KANK1: variants seen among roughly 807,000 people sequenced by gnomAD.
KANK1 encodes KN motif and ankyrin repeat domain-containing protein 1.
Under a neutral mutation model 106.2 loss-of-function variants are expected in KANK1, and 109 were observed. That is an observed-to-expected ratio of 1.03 (90% CI 0.88 to 1.20). KANK1 has a LOEUF of 1.20. Among genes scored for constraint, KANK1 ranks in the 50% most tolerant of loss-of-function variants. KANK1 has a pLI of 0.00. For missense variants in KANK1, 2,399 were observed against 1,710.7 expected (o/e 1.40, Z -7.10); for synonymous variants, 873 against 652.2 (o/e 1.34, Z -5.16).
rs1239918091 is a variant in KANK1 at position 744,584 on chromosome 9, T to C, written c.3991T>C (p.Ser1331Pro). 26 of 1,614,006 alleles carry C rather than the reference T, an allele frequency of 1.6e-5. No homozygotes were observed. Among genetic ancestry groups the C allele is most frequent in the Non-Finnish European group, 2.1e-5 (25 of 1,180,018 alleles). Residue 1331 changes from serine to proline, a missense_variant, in exon 11 of 12, where the codon TCT (serine) becomes CCT (proline). Physicochemically the swap from Ser to Pro is moderately conservative, Grantham distance 74 (BLOSUM62 -1). Coordinates refer to ENST00000382297, the MANE Select transcript of KANK1 (RefSeq NM_015158.5). The stretch of plus-strand genomic sequence containing the variant: ...CCATGTCAACTTTGCAAAAGCCCAG[T>C]CTCCGGTCAGTGTTGTGCATTTGGC... ...YAHVNFAKAQSPGTPRLGRKT... is the reference protein window; with the variant it reads ...YAHVNFAKAQPPGTPRLGRKT...
At chr9:651,725 C>G (rs1421097504) in intron 1 of KANK1, among the ~76,000 whole-genome samples, 5 of 152,160 alleles carry the variant, frequency 3.3e-5, no homozygotes, top group Non-Finnish European at 7.3e-5. Context: ...ATGAAATGCT[C>G]TAAGTGAGTT....
At chr9:661,267 C>G (rs1407471703) in intron 1 of KANK1, among the ~76,000 whole-genome samples, 2 of 145,350 alleles carry the variant, frequency 1.4e-5, no homozygotes, top group Non-Finnish European at 3.1e-5. Flanking sequence ...AATGCTATCC[C>G]TCCTCTCTTC....
In KANK1 at chr9:713,026, G is replaced by C. The variant is rs766484676; in HGVS notation, c.2260G>C (p.Val754Leu). Reference sequence around the variant, plus strand: ...TTCTGGGTTTGACAGGCCATCAGCTGTGAAGACCAAAGAGTCAGGTGTGGG... The same window carrying C: ...TTCTGGGTTTGACAGGCCATCAGCTCTGAAGACCAAAGAGTCAGGTGTGGG... ...GHSGFDRPSA[V>L]KTKESGVGQI... The change falls in exon 3 of 12, where the codon GTG becomes CTG. Residue 754 changes from valine (V) to leucine (L), a missense_variant. Val to Leu is a conservative substitution (Grantham distance 32, BLOSUM62 1). Coordinates refer to ENST00000382297, the MANE Select transcript of KANK1 (RefSeq NM_015158.5). 1.2e-6 allele frequency: 2 copies of C among 1,614,092 alleles called. No individual in the cohort carries two copies. The highest frequency in any genetic ancestry group is 1.7e-5 in the Admixed American group (1 of 60,000).
At chr9:621,946 G>C (rs1472005166) in intron 1 of KANK1, among the ~76,000 whole-genome samples, 1 of 152,154 alleles carries the variant, frequency 6.6e-6, no homozygotes, top group African/African-American at 2.4e-5. Context: ...TGCTGCCGAA[G>C]CCTCTTGGGA....
intron 2 of KANK1, chr9:693,834 T>C (rs1820568688): frequency 1.0e-6 from 1 of 983,656 alleles, no homozygotes; most frequent in Non-Finnish European, 1.2e-6. Context: ...AGCATGATGT[T>C]TGGGTGGGGG....
chr9:630,978 T>G (rs926804101), intron 1 of KANK1, among the ~76,000 whole-genome samples: 1 of 151,978 alleles, frequency 6.6e-6, no homozygotes, highest in Non-Finnish European at 1.5e-5. Context: ...AAACAAAAAG[T>G]GCTTAGTCAA....
At chr9:639,302 C>G (rs1166186956) in intron 1 of KANK1, among the ~76,000 whole-genome samples, 1 of 151,900 alleles carries the variant, frequency 6.6e-6, no homozygotes, top group African/African-American at 2.4e-5. Flanking sequence ...GAGATTTGAT[C>G]TTTGATTATT....
chr9:544,642 G>A (rs7021690), intron 1 of KANK1, among the ~76,000 whole-genome samples: 78,857 of 151,934 alleles, frequency 0.52, 25,096 homozygotes, highest in African/African-American at 0.88. Context: ...AGTACGGGCT[G>A]TTATGGGCGC....
intron 1 of KANK1, among the ~76,000 whole-genome samples, chr9:620,378 G>A (rs1319877364): frequency 1.3e-5 from 2 of 151,948 alleles, no homozygotes; most frequent in South Asian, 2.1e-4. Context: ...AATTCTTTGC[G>A]AGAAAAGCAA....
intron 8 of KANK1, among the ~76,000 whole-genome samples, chr9:738,931 C>T (rs1295052841): frequency 6.6e-6 from 1 of 152,198 alleles, no homozygotes; most frequent in East Asian, 1.9e-4. Context: ...TCCATGACTG[C>T]TGTCCTTGCA....
chr9:714,812 A>C (rs1827247243), intron 3 of KANK1, among the ~76,000 whole-genome samples: 1 of 152,078 alleles, frequency 6.6e-6, no homozygotes, highest in Non-Finnish European at 1.5e-5. Context: ...TACCAACCTG[A>C]TTTTGCTTGT....
chr9:665,604 G>A (rs1287251396), intron 1 of KANK1, among the ~76,000 whole-genome samples: 2 of 152,082 alleles, frequency 1.3e-5, no homozygotes, highest in Non-Finnish European at 2.9e-5. Context: ...AGTAGTGTGA[G>A]GCCTCCAGCT....
chr9:534,371 A>C (rs903439335), intron 1 of KANK1, among the ~76,000 whole-genome samples: 2 of 152,172 alleles, frequency 1.3e-5, no homozygotes, highest in African/African-American at 4.8e-5. Context: ...CCTTAATCAC[A>C]TTGCTGGGGA....
chr9:684,458 A>G (rs1348525162), intron 2 of KANK1: 1 of 985,282 alleles, frequency 1.0e-6, no homozygotes, highest in African/African-American at 1.7e-5. Context: ...TGTGTTAAGA[A>G]CTCGAGCTGT....
chr9:574,143 CAT>C (rs1161969399), intron 1 of KANK1, among the ~76,000 whole-genome samples: 1 of 152,242 alleles, frequency 6.6e-6, no homozygotes, highest in African/African-American at 2.4e-5. Context: ...CTCTGCCGCA[CAT>C]GTTTGAAAAG....
At position 693,409 on chromosome 9, in the gene KANK1, T is replaced by A. The variant is rs182821439; in HGVS notation, c.37+16400T>A. ...AATGAGGAAACATTTGCTGCCTTTC[T>A]GATTTCTTCCTAGAATTAACAGGCT... On this transcript the variant is annotated intron_variant, in intron 2 of 11. Coordinates refer to ENST00000382297, the MANE Select transcript of KANK1 (RefSeq NM_015158.5). 5.3e-3 allele frequency: 5,232 copies of A among 985,390 alleles called. 15 individuals are homozygous for A. Among genetic ancestry groups the A allele is most frequent in the Non-Finnish European group, 5.9e-3 (4,869 of 829,916 alleles). 61.0% of individuals were successfully genotyped at this position (985,390 alleles called of 1,614,324 possible).
intron 1 of KANK1, among the ~76,000 whole-genome samples, chr9:576,476 T>A (rs1820594962): frequency 6.6e-6 from 1 of 152,232 alleles, no homozygotes; most frequent in Non-Finnish European, 1.5e-5. Context: ...CATTTAGCCC[T>A]CATGCCAATC....
intron 6 of KANK1, 78 bp downstream of exon 6, chr9:732,695 C>T (rs931028764): frequency 8.0e-6 from 12 of 1,497,302 alleles, no homozygotes; most frequent in Admixed American, 3.8e-5. Flanking sequence ...CAGTTCAGAG[C>T]TTTTGTAATT....
In KANK1 at chr9:730,157, G is replaced by GC; in HGVS notation, c.2807dup (p.Ile937AsnfsTer35). ...AAGAAGTGGGGACCTCAGAAGGAAAGCCAATCAGCAGCCTGGATGCCTTCC... is the reference window on the plus strand; with the variant it reads ...AAGAAGTGGGGACCTCAGAAGGAAAGCCCAATCAGCAGCCTGGATGCCTTCC... On this transcript the variant is annotated frameshift_variant, in exon 4 of 12. Coordinates refer to ENST00000382297, the MANE Select transcript of KANK1 (RefSeq NM_015158.5). LOFTEE classifies it high-confidence loss of function. The GC allele has an allele frequency of 6.2e-7, 1 of 1,614,210 alleles. No homozygotes were observed. The highest frequency in any genetic ancestry group is 1.1e-5 in the South Asian group (1 of 91,088).
Sources: gnomAD v4.1 joint callset for allele counts (sites outside exome capture counted in the v4.1 genomes callset) on GRCh38, gnomAD v4.1.1 for gene constraint, MANE v1.5 for transcripts, NCBI Gene and HGNC (gene_info 2026-07-23, HGNC 2026-07-21) for gene names.